LRRC4C: variants seen among roughly 807,000 people sequenced by gnomAD.
LRRC4C encodes the protein leucine-rich repeat-containing protein 4C.
A neutral mutation model predicts 33.6 loss-of-function variants in LRRC4C; 5 were observed. The ratio of observed to expected loss-of-function variants is 0.15; its 90% confidence interval spans 0.08 to 0.31. The LOEUF is 0.31. Among genes scored for constraint, LRRC4C ranks in the 10% least tolerant of loss-of-function variants. LRRC4C has a pLI of 1.00. For missense variants in LRRC4C, 560 were observed against 796.7 expected, an observed-to-expected ratio of 0.70 and a Z score of 3.58; for synonymous variants, 329 against 302.0, an observed-to-expected ratio of 1.09 and a Z score of -0.93.
In LRRC4C at chr11:40,115,669, G is replaced by A; in HGVS notation, c.624C>T (p.Asn208=). 2 of 1,614,148 alleles carry A rather than the reference G, an allele frequency of 1.2e-6. No individual in the cohort carries two copies. Among genetic ancestry groups the A allele is most frequent in the Non-Finnish European group, 1.7e-6 (2 of 1,180,024 alleles). ...NLRYLNLAMC[N]LREIPNLTPL... is the part of the protein sequence containing the mutation. The stretch of plus-strand genomic sequence containing the variant: ...GTGTGAGGTTAGGGATTTCCCGAAG[G>A]TTGCACATGGCAAGGTTCAAATACC... Residue 208 remains asparagine (N), a synonymous_variant, in exon 7 of 7, where the codon AAC becomes AAT. Transcript: ENST00000528697. This position sits in a 1 kb window ranked among gnomAD's most constrained non-coding sequence, Gnocchi z 6.7.
At chr11:40,640,421 T>A (rs148235591) in intron 3 of LRRC4C, among the ~76,000 whole-genome samples, 1 of 152,084 alleles carries the variant, frequency 6.6e-6, no homozygotes. Flanking sequence ...TCATGTTAGG[T>A]CCTTTTTAAA....
intron 3 of LRRC4C, among the ~76,000 whole-genome samples, chr11:40,416,429 A>G (rs1337955425): frequency 1.8e-4 from 28 of 152,134 alleles, no homozygotes; most frequent in Non-Finnish European, 2.9e-5. Flanking sequence ...TCCTAAAGGA[A>G]GAAGGAGCTA....
chr11:40,988,641 AAT>A (rs1231529389), intron 1 of LRRC4C, among the ~76,000 whole-genome samples: 2 of 151,724 alleles, frequency 1.3e-5, no homozygotes, highest in Non-Finnish European at 2.9e-5. Context: ...ATGAAGAGGT[AAT>A]GCCTACTCAG....
intron 5 of LRRC4C, among the ~76,000 whole-genome samples, chr11:40,174,564 GTTA>G (rs1429600400): frequency 2.0e-5 from 3 of 152,122 alleles, no homozygotes; most frequent in Non-Finnish European, 4.4e-5. Flanking sequence ...ATATGTGTGC[GTTA>G]TTATTTTTCT....
intron 2 of LRRC4C, among the ~76,000 whole-genome samples, chr11:40,803,541 C>T (rs2135307362): frequency 6.6e-6 from 1 of 152,108 alleles, no homozygotes; most frequent in South Asian, 2.1e-4. Context: ...TTCTCTATCT[C>T]CCAAACTTTT....
chr11:40,930,105 T>C (rs975566828), intron 2 of LRRC4C, among the ~76,000 whole-genome samples: 1 of 152,090 alleles, frequency 6.6e-6, no homozygotes, highest in African/African-American at 2.4e-5. Flanking sequence ...CCGGGGCTAA[T>C]AAGAGAAAAA....
chr11:40,989,872 A>G (rs568208585), intron 1 of LRRC4C, among the ~76,000 whole-genome samples: 2 of 152,190 alleles, frequency 1.3e-5, no homozygotes, highest in Middle Eastern at 3.4e-3. Context: ...ATATTCAGAA[A>G]AAAATAAAAA....
intron 2 of LRRC4C, among the ~76,000 whole-genome samples, chr11:40,725,711 T>G (rs575301802): frequency 6.6e-6 from 1 of 152,252 alleles, no homozygotes; most frequent in South Asian, 2.1e-4. Context: ...TGCACAGCTG[T>G]TAAAAGTTCT....
chr11:40,329,376 G>A (rs886774216), intron 3 of LRRC4C, among the ~76,000 whole-genome samples: 3 of 152,178 alleles, frequency 2.0e-5, no homozygotes, highest in African/African-American at 2.4e-5. Context: ...GGGGAGCAAC[G>A]GAAACAGTGC....
At chr11:40,484,786 C>G (rs2138440198) in intron 3 of LRRC4C, among the ~76,000 whole-genome samples, 1 of 152,062 alleles carries the variant, frequency 6.6e-6, no homozygotes, top group Admixed American at 6.6e-5. Context: ...AAGTCATATG[C>G]AGAACAACAA....
chr11:41,215,018 A>G (rs1946994271), intron 1 of LRRC4C, among the ~76,000 whole-genome samples: 1 of 130,584 alleles, frequency 7.7e-6, no homozygotes. Flanking sequence ...ATTCATGTAT[A>G]TATATATATA....
rs562706221 is a variant in LRRC4C, at chr11:40,497,558, A to T, written c.-270+150584T>A. ...AGACCACATAATCTAAAAAAATAAA[A>T]ACAGTTTGAAAAGGTGAAGCTACAA... On this transcript the variant is annotated intron_variant, in intron 3 of 6. Transcript: ENST00000528697. Among the ~76,000 whole-genome samples, 62 of 152,330 alleles carry T rather than the reference A, an allele frequency of 4.1e-4. 1 individual carries two copies. Among genetic ancestry groups the T allele is most frequent in the African/African-American group, 1.4e-3 (60 of 41,586 alleles).
intron 3 of LRRC4C, among the ~76,000 whole-genome samples, chr11:40,609,748 A>G (rs1475028584): frequency 6.6e-6 from 1 of 151,878 alleles, no homozygotes; most frequent in Admixed American, 6.6e-5. Flanking sequence ...TAAAGATTAT[A>G]ACAGTTTACT....
intron 3 of LRRC4C, among the ~76,000 whole-genome samples, chr11:40,526,153 A>G (rs538901542): frequency 6.6e-6 from 1 of 152,274 alleles, no homozygotes; most frequent in African/African-American, 2.4e-5. Flanking sequence ...AAAACAAAAG[A>G]TTATCTTATT....
rs944817158 is a variant in LRRC4C at position 41,129,514 on chromosome 11, TTTTG to T, written c.-495-195795_-495-195792del. Among the ~76,000 whole-genome samples the T allele has an allele frequency of 9.2e-5, 14 of 152,132 alleles. No individual in the cohort carries two copies. In the Middle Eastern group the frequency reaches 0.01, roughly 111 times the overall value. On this transcript the variant is annotated intron_variant, in intron 1 of 6. Transcript: ENST00000528697. ...GTTTGTCTTAATGTTATAGTGCCTA[TTTTG>T]TTTATTTGTAATTTACTAATAGAAT...
At chr11:41,177,858 A>T (rs1194333240) in intron 1 of LRRC4C, among the ~76,000 whole-genome samples, 1 of 152,250 alleles carries the variant, frequency 6.6e-6, no homozygotes, top group Non-Finnish European at 1.5e-5. Context: ...TAACTGTTTA[A>T]TAACAAACAG....
chr11:40,214,776 G>C (rs1418033561), intron 5 of LRRC4C, among the ~76,000 whole-genome samples: 5 of 152,108 alleles, frequency 3.3e-5, no homozygotes, highest in African/African-American at 1.2e-4. Flanking sequence ...AAACCACCAA[G>C]TCTGTGGTAT....
chr11:40,242,852 C>T (rs1866025888), intron 4 of LRRC4C, among the ~76,000 whole-genome samples: 1 of 151,414 alleles, frequency 6.6e-6, no homozygotes, highest in African/African-American at 2.4e-5. Context: ...GCTTGAACAA[C>T]CCAAGTGTTC....
intron 1 of LRRC4C, among the ~76,000 whole-genome samples, chr11:41,437,693 TCTC>T (rs1202124434): frequency 6.6e-6 from 1 of 152,134 alleles, no homozygotes; most frequent in African/African-American, 2.4e-5. Flanking sequence ...ACTATAAAAA[TCTC>T]CTGACTTTTT....
Sources: allele counts gnomAD v4.1 joint callset (sites outside exome capture counted in the v4.1 genomes callset), GRCh38; gene constraint gnomAD v4.1.1; non-coding constraint Gnocchi (gnomAD v3.1); transcripts MANE v1.5; gene names NCBI Gene and HGNC (gene_info 2026-07-23, HGNC 2026-07-21).